NHEJ1: variants seen among roughly 807,000 people sequenced by gnomAD.
NHEJ1 encodes the protein non-homologous end joining factor 1, also known as non-homologous end-joining factor 1.
A neutral mutation model predicts 39.4 loss-of-function variants in NHEJ1; 22 were observed. That is an observed-to-expected ratio of 0.56 (90% confidence interval 0.40 to 0.80). NHEJ1 has a LOEUF of 0.80. Among genes scored for constraint, NHEJ1 ranks in the 30% least tolerant of loss-of-function variants. NHEJ1 has a pLI of 0.00. For missense variants in NHEJ1, 329 were observed against 357.1 expected, an observed-to-expected ratio of 0.92 and a Z score of 0.63; for synonymous variants, 154 against 135.6, an observed-to-expected ratio of 1.14 and a Z score of -0.94.
intron 5 of NHEJ1, among the ~76,000 whole-genome samples, chr2:219,117,030 C>G (rs1949422460): frequency 6.6e-6 from 1 of 152,108 alleles, no homozygotes; most frequent in Admixed American, 6.5e-5. Context: ...TCCCATCCCA[C>G]AACCTGGGCT....
intron 5 of NHEJ1, among the ~76,000 whole-genome samples, chr2:219,113,093 A>C (rs1050380763): frequency 6.6e-6 from 1 of 152,230 alleles, no homozygotes; most frequent in Non-Finnish European, 1.5e-5. Flanking sequence ...GACTAAGTCA[A>C]AGTACTTTAC....
rs572325235 is a variant in NHEJ1 at position 219,155,954 on chromosome 2, A to T, written c.390+1518T>A. 1.8e-3 allele frequency among the ~76,000 whole-genome samples: 264 copies of T among 149,734 alleles called. 2 individuals carry two copies. The highest frequency in any genetic ancestry group is 6.0e-3 in the African/African-American group (245 of 40,706). On this transcript the variant is annotated intron_variant, in intron 3 of 7. Coordinates refer to ENST00000356853, the MANE Select transcript of NHEJ1 (RefSeq NM_024782.3). ...AAACAAAAAAAAATAAAATTAAAAT[A>T]AAAATAAGCATCAGGCCGGGTGCGG...
chr2:219,102,991 C>T (rs1949278567), intron 5 of NHEJ1, among the ~76,000 whole-genome samples: 1 of 103,608 alleles, frequency 9.7e-6, no homozygotes, highest in Admixed American at 1.4e-4. Flanking sequence ...GGCGACAGAG[C>T]GAGACTCCGT....
chr2:219,147,909 T>C (rs1161790089), intron 3 of NHEJ1, 114 bp from the exon 4 acceptor site: 10 of 1,055,864 alleles, frequency 9.5e-6, no homozygotes, highest in South Asian at 6.9e-5. Flanking sequence ...AAACTTATAG[T>C]TTCATAGGCA....
rs549808536 is a variant in NHEJ1 at position 219,096,746 on chromosome 2, TAAAC to T, written c.589-18544_589-18541del. ...TAAGACAGGAGTGTGCCCAGGGTGT[TAAAC>T]AAAACAGTAAGGTGACCAATGTAGC... is the stretch of plus-strand genomic sequence containing the variant. On this transcript the variant is annotated intron_variant, in intron 5 of 7. Coordinates refer to ENST00000356853, the MANE Select transcript of NHEJ1 (RefSeq NM_024782.3). Among the ~76,000 whole-genome samples, 251 of 152,224 alleles carry T rather than the reference TAAAC, an allele frequency of 1.6e-3. 1 individual carries two copies. The highest frequency in any genetic ancestry group is 5.5e-3 in the African/African-American group (227 of 41,534).
chr2:219,146,930 T>C (rs1339110741), intron 4 of NHEJ1, among the ~76,000 whole-genome samples, 192 bp from the exon 5 acceptor site: 1 of 152,126 alleles, frequency 6.6e-6, no homozygotes, highest in African/African-American at 2.4e-5. Flanking sequence ...TGATTAGCAA[T>C]AAATGGCAGG....
At chr2:219,157,802 G>A (rs1240303237) in intron 2 of NHEJ1, 118 bp from the exon 3 acceptor site, 4 of 828,530 alleles carry the variant, frequency 4.8e-6, no homozygotes, top group African/African-American at 1.7e-5. Flanking sequence ...AGGAAGGGGA[G>A]AGAAGATAAA....
intron 5 of NHEJ1, among the ~76,000 whole-genome samples, chr2:219,092,309 T>A (rs947948198): frequency 3.3e-4 from 50 of 149,784 alleles, no homozygotes; most frequent in Admixed American, 9.9e-4. Context: ...AAAAAAAAAA[T>A]TATAGGATTA....
At chr2:219,091,675 G>A (rs1949160897) in intron 5 of NHEJ1, among the ~76,000 whole-genome samples, 1 of 152,188 alleles carries the variant, frequency 6.6e-6, no homozygotes, top group Admixed American at 6.5e-5. Context: ...TCGACTCTAG[G>A]AAATATATTC....
intron 5 of NHEJ1, among the ~76,000 whole-genome samples, chr2:219,098,839 T>C (rs924939339): frequency 1.3e-5 from 2 of 152,216 alleles, no homozygotes; most frequent in African/African-American, 4.8e-5. Flanking sequence ...AGCATGGTTT[T>C]ATGTTTTGCT....
intron 5 of NHEJ1, among the ~76,000 whole-genome samples, chr2:219,136,364 C>T (rs1457995668): frequency 4.7e-5 from 7 of 148,712 alleles, no homozygotes; most frequent in Non-Finnish European, 7.4e-5. Flanking sequence ...TCTTGGCTGA[C>T]TGCAACCTCA....
chr2:219,149,072 C>T (rs1574743145), intron 3 of NHEJ1, among the ~76,000 whole-genome samples: 1 of 151,914 alleles, frequency 6.6e-6, no homozygotes, highest in African/African-American at 2.4e-5. Context: ...TTAGTAGAGA[C>T]GGGGTTTCAC....
At chr2:219,094,344 G>A (rs151141971) in intron 5 of NHEJ1, among the ~76,000 whole-genome samples, 4,492 of 152,326 alleles carry the variant, frequency 0.029, 97 homozygotes, top group Middle Eastern at 0.054. Context: ...CAGAGCAGGA[G>A]TCTGGCAGTA....
rs182537158 is a variant in NHEJ1, at chr2:219,081,904, T to A, written c.589-3698A>T. 1.1e-4 allele frequency among the ~76,000 whole-genome samples: 16 copies of A among 152,330 alleles called. No homozygotes were observed. The East Asian group carries it at 3.1e-3, about 29-fold the overall frequency. On this transcript the variant is annotated intron_variant, in intron 5 of 7. Coordinates refer to ENST00000356853, the MANE Select transcript of NHEJ1 (RefSeq NM_024782.3). ...AGACAGGGTATGTGGATGTGTCTCA[T>A]GGGAAGCAAGACTAGAAGGCTAAGT...
At chr2:219,129,659 T>G (rs1414710783) in intron 5 of NHEJ1, among the ~76,000 whole-genome samples, 1 of 152,196 alleles carries the variant, frequency 6.6e-6, no homozygotes, top group Non-Finnish European at 1.5e-5. Flanking sequence ...GGAAACAGAA[T>G]AAGCAAAATA....
chr2:219,083,847 G>A (rs1220695248), intron 5 of NHEJ1, among the ~76,000 whole-genome samples: 1 of 152,088 alleles, frequency 6.6e-6, no homozygotes, highest in Admixed American at 6.6e-5. Context: ...AACTAGGTCT[G>A]ATCTAATTAC....
intron 5 of NHEJ1, among the ~76,000 whole-genome samples, chr2:219,143,451 C>T (rs139763110): frequency 6.6e-6 from 1 of 152,228 alleles, no homozygotes; most frequent in East Asian, 1.9e-4. Context: ...CAGGTGTGTA[C>T]AACCAGTTAA....
chr2:219,109,670 G>A (rs955498394), intron 5 of NHEJ1, among the ~76,000 whole-genome samples: 1 of 152,162 alleles, frequency 6.6e-6, no homozygotes, highest in Non-Finnish European at 1.5e-5. Flanking sequence ...GAAAGGGGAG[G>A]GGCAAGGAGG....
chr2:219,112,897 C>A (rs574434530), intron 5 of NHEJ1, among the ~76,000 whole-genome samples: 5 of 152,256 alleles, frequency 3.3e-5, no homozygotes, highest in South Asian at 4.2e-4. Flanking sequence ...CACATACACG[C>A]ACTGTGCCAC....
Sources: allele counts gnomAD v4.1 joint callset (sites outside exome capture counted in the v4.1 genomes callset), GRCh38; gene constraint gnomAD v4.1.1; transcripts MANE v1.5; gene names NCBI Gene and HGNC (gene_info 2026-07-23, HGNC 2026-07-21).